The following EML4 variants were observed in gnomAD, a reference collection of about 807,000 sequenced individuals.
EML4 encodes echinoderm microtubule-associated protein-like 4.
A neutral mutation model predicts 129.0 loss-of-function variants in EML4; 72 were observed. That is an observed-to-expected ratio of 0.56 (90% CI 0.46 to 0.68). EML4 has a LOEUF of 0.68. EML4 is among the 30% of genes least tolerant of loss of function. EML4 has a pLI of 0.00. For synonymous variants in EML4, 532 were observed against 405.0 expected (o/e 1.31, Z -3.77); for missense variants, 1,363 against 1,190.6 (o/e 1.14, Z -2.13).
At chr2:42,211,399 C>G (rs965765532) in intron 1 of EML4, among the ~76,000 whole-genome samples, 1 of 152,040 alleles carries the variant, frequency 6.6e-6, no homozygotes, top group African/African-American at 2.4e-5. Flanking sequence ...GGTAGGGGGG[C>G]GAGGTCATTT....
chr2:42,171,978 A>C (rs116400752), intron 1 of EML4, among the ~76,000 whole-genome samples: 1 of 152,066 alleles, frequency 6.6e-6, no homozygotes, highest in African/African-American at 2.4e-5. Context: ...TAGAGCTTAG[A>C]GTTACATTGA....
chr2:42,257,320 G>C (rs796425535), intron 3 of EML4, among the ~76,000 whole-genome samples: 2 of 152,148 alleles, frequency 1.3e-5, no homozygotes, highest in Admixed American at 6.5e-5. Context: ...GAGACCATAG[G>C]TGATCAGCTA....
chr2:42,300,301 G>C (rs557309610), intron 13 of EML4, among the ~76,000 whole-genome samples: 2 of 152,280 alleles, frequency 1.3e-5, no homozygotes, highest in South Asian at 4.1e-4. Context: ...AGCCTATCTA[G>C]CTAAAGAGCT....
chr2:42,177,481 G>C (rs1031632644), intron 1 of EML4, among the ~76,000 whole-genome samples: 1 of 152,020 alleles, frequency 6.6e-6, no homozygotes, highest in Admixed American at 6.6e-5. Context: ...AAATTAGCCA[G>C]GCATGGTGGT....
chr2:42,294,050 A>G (rs988022728), intron 11 of EML4, among the ~76,000 whole-genome samples: 2 of 152,252 alleles, frequency 1.3e-5, no homozygotes, highest in East Asian at 1.9e-4. Flanking sequence ...GTTTCACCTC[A>G]GTGTTAAGTT....
chr2:42,299,583 T>C lies in EML4; in HGVS notation c.1490-1658T>C, dbSNP rs555389482. Among the ~76,000 whole-genome samples the C allele has an allele frequency of 9.2e-5, 14 of 152,332 alleles. 1 individual carries two copies. The South Asian group carries it at 2.9e-3, about 32-fold the overall frequency. ...GCCCCTAGGTAACCACCAATTTCCT[T>C]TAGGTCTCTATAGATTTACTTGTTG... On this transcript the variant is annotated intron_variant, in intron 13 of 22. Transcript: ENST00000318522.
At chr2:42,317,192 A>C (rs543879908) in intron 18 of EML4, among the ~76,000 whole-genome samples, 1 of 152,214 alleles carries the variant, frequency 6.6e-6, no homozygotes, top group Non-Finnish European at 1.5e-5. Flanking sequence ...CCGGTTTTCA[A>C]CTAACTAGAA....
chr2:42,297,071 A>G (rs974356359), intron 13 of EML4, among the ~76,000 whole-genome samples: 1 of 152,202 alleles, frequency 6.6e-6, no homozygotes, highest in Non-Finnish European at 1.5e-5. Context: ...TCCTATCTCA[A>G]TCATTGGCCA....
At chr2:42,218,673 C>A (rs1196229098) in intron 1 of EML4, among the ~76,000 whole-genome samples, 1 of 152,174 alleles carries the variant, frequency 6.6e-6, no homozygotes, top group African/African-American at 2.4e-5. Context: ...GCCTTTCCTA[C>A]TCGGTTCCTA....
At chr2:42,268,687 C>T (rs372836401) in intron 6 of EML4, among the ~76,000 whole-genome samples, 1 of 152,192 alleles carries the variant, frequency 6.6e-6, no homozygotes. Flanking sequence ...GTCCTCCCAT[C>T]TCTACCTCCC....
chr2:42,263,694 C>T (rs757741867), intron 5 of EML4, among the ~76,000 whole-genome samples: 54 of 148,114 alleles, frequency 3.6e-4, no homozygotes, highest in Non-Finnish European at 5.4e-4. Flanking sequence ...TGAGCCACCA[C>T]GCCTGGCCTT....
Position 42,183,968 on chromosome 2 carries a change from C to T in EML4, c.25+14332C>T, listed in dbSNP as rs150537919. Among the ~76,000 whole-genome samples the T allele has an allele frequency of 1.5e-3, 233 of 152,178 alleles. 3 individuals carry two copies. The highest frequency in any genetic ancestry group is 5.1e-3 in the African/African-American group (210 of 41,510). ...ACCAGGATGAGGTCACCTCTTTGAC[C>T]TTCTGGCCCTCTTTCTTTCCGGACT... On this transcript the variant is annotated intron_variant, in intron 1 of 22. Coordinates refer to ENST00000318522, the MANE Select transcript of EML4 (RefSeq NM_019063.5).
chr2:42,199,960 G>A (rs1444607716), intron 1 of EML4, among the ~76,000 whole-genome samples: 1 of 151,988 alleles, frequency 6.6e-6, no homozygotes, highest in Non-Finnish European at 1.5e-5. Flanking sequence ...TTTGACATTG[G>A]ATCATTCCTT....
chr2:42,327,687 C>A (rs767971512), intron 21 of EML4, among the ~76,000 whole-genome samples: 1 of 152,100 alleles, frequency 6.6e-6, no homozygotes, highest in South Asian at 2.1e-4. Context: ...TTTAGGTATC[C>A]TTCTGAAAGG....
At chr2:42,311,112 G>T (rs993666175) in intron 17 of EML4, among the ~76,000 whole-genome samples, 3 of 152,156 alleles carry the variant, frequency 2.0e-5, no homozygotes, top group Non-Finnish European at 4.4e-5. Flanking sequence ...ACCAGTAAAT[G>T]ACTTAAGAGT....
rs202114544 is a variant in EML4, at chr2:42,280,870, T to C, written c.688T>C (p.Phe230Leu). The C allele has an allele frequency of 2.4e-5, 39 of 1,611,032 alleles. No individual in the cohort carries two copies. Among genetic ancestry groups the C allele is most frequent in the Non-Finnish European group, 5.1e-6 (6 of 1,178,770 alleles). Reference sequence around the variant, plus strand: ...AACAGAAGGAGAATATATTAAAATGTTTATGCGCGGTCGGCCAATTACCAT... The same window carrying C: ...AACAGAAGGAGAATATATTAAAATGCTTATGCGCGGTCGGCCAATTACCAT... Reference protein sequence around the residue: ...INQEGEYIKMFMRGRPITMFI... With the variant: ...INQEGEYIKMLMRGRPITMFI... The change falls in exon 7 of 23, where the codon TTT becomes CTT. Residue 230 changes from phenylalanine to leucine, a missense_variant. Coordinates refer to ENST00000318522, the MANE Select transcript of EML4 (RefSeq NM_019063.5).
chr2:42,304,390 T>G lies in EML4; in HGVS notation c.1900-94T>G. ...ACAAAGTTGATTGAAATGTTATGTT[T>G]GAATGAAACAGGTTATTTTCAGAAG... On this transcript the variant is annotated intron_variant, in intron 16 of 22. Coordinates refer to ENST00000318522, the MANE Select transcript of EML4 (RefSeq NM_019063.5). 9 of 845,874 alleles carry G rather than the reference T, an allele frequency of 1.1e-5. No homozygotes were observed. In the South Asian group the frequency reaches 1.3e-4, roughly 12 times the overall value. 52.4% of individuals were successfully genotyped at this position (845,874 alleles called of 1,614,324 possible). A position where few individuals can be genotyped will look rare whatever the true frequency, so the allele number is the denominator to read the frequency against.
chr2:42,295,372 T>A lies in EML4; in HGVS notation c.1354-9T>A, dbSNP rs1254776935. On this transcript the variant is annotated splice_polypyrimidine_tract_variant and intron_variant, in intron 12 of 22. Transcript: ENST00000318522. ...AAGAAAACTGAAAATTTTTATTGTTTCCTTGTAGAAATATGAAAAGCCAAA... is the reference window on the plus strand; with the variant it reads ...AAGAAAACTGAAAATTTTTATTGTTACCTTGTAGAAATATGAAAAGCCAAA... 6.2e-7 allele frequency: 1 copy of A among 1,605,804 alleles called. No individual in the cohort carries two copies. Among genetic ancestry groups the A allele is most frequent in the South Asian group, 1.1e-5 (1 of 88,634 alleles).
chr2:42,218,962 C>T (rs1312603055), intron 1 of EML4, among the ~76,000 whole-genome samples: 1 of 152,132 alleles, frequency 6.6e-6, no homozygotes, highest in Non-Finnish European at 1.5e-5. Context: ...CAGCACTTGA[C>T]TTAGTAAAAA....
Sources: gnomAD v4.1 joint callset for allele counts (sites outside exome capture counted in the v4.1 genomes callset) on GRCh38, gnomAD v4.1.1 for gene constraint, MANE v1.5 for transcripts, NCBI Gene and HGNC (gene_info 2026-07-23, HGNC 2026-07-21) for gene names.